The following CFAP92 variants were observed in gnomAD, a reference collection of about 807,000 sequenced individuals.
CFAP92 encodes the protein uncharacterized protein CFAP92.
CFAP92 carries 86 observed loss-of-function variants against 106.3 expected under a neutral mutation model. The observed-to-expected ratio is 0.81, with a 90% CI of 0.68 to 0.97. The LOEUF (loss-of-function observed/expected upper bound fraction) is 0.97, where lower values mean the gene tolerates loss of function less well. Ranked by LOEUF, CFAP92 falls within the 50% of genes least tolerant of loss-of-function variation. The probability of loss-of-function intolerance (pLI) is 0.00; values close to 1 mark genes in which losing one functional copy is unlikely to be tolerated. For missense variants in CFAP92, 1,204 were observed against 1,283.8 expected (o/e 0.94, Z 0.95); for synonymous variants, 477 against 506.4 (o/e 0.94, Z 0.78).
At position 128,959,285 on chromosome 3, in the gene CFAP92, C is replaced by T. The variant is rs1215188385; in HGVS notation, c.1353+6226G>A. On this transcript the variant is annotated intron_variant, in intron 9 of 15. Coordinates refer to ENST00000645291, the MANE Select transcript of CFAP92 (RefSeq NM_001394090.1). Reference sequence around the variant, plus strand: ...GCATTTGGAGAAACAAAAAACAGTTCGCATACAAAGGTTCAACTTCAATGA... The same window carrying T: ...GCATTTGGAGAAACAAAAAACAGTTTGCATACAAAGGTTCAACTTCAATGA... Among the ~76,000 whole-genome samples the T allele has an allele frequency of 3.3e-5, 5 of 151,962 alleles. No individual in the cohort carries two copies. The East Asian group carries it at 7.7e-4, about 23-fold the overall frequency.
At chr3:128,930,100 GAT>G (rs1938177841) in intron 12 of CFAP92, among the ~76,000 whole-genome samples, 1 of 152,152 alleles carries the variant, frequency 6.6e-6, no homozygotes, top group Admixed American at 6.5e-5. Flanking sequence ...ATTTGTAAGA[GAT>G]AGGGGGCTAG....
chr3:128,912,648 A>G, intron 15 of CFAP92: 2 of 1,512,276 alleles, frequency 1.3e-6, no homozygotes. Context: ...GCCCCTACCC[A>G]TGGCCCGTTG....
intron 1 of CFAP92, chr3:129,002,108 G>A: frequency 1.3e-6 from 2 of 1,490,276 alleles, no homozygotes; most frequent in Non-Finnish European, 1.8e-6. Context: ...CGGGGCCCCG[G>A]CTGCCCCGCG....
intron 12 of CFAP92, among the ~76,000 whole-genome samples, chr3:128,923,209 G>A (rs1413991331): frequency 2.0e-5 from 3 of 152,222 alleles, no homozygotes; most frequent in Non-Finnish European, 4.4e-5. Context: ...TGGAACAGGA[G>A]ACTGGAGGGA....
chr3:128,957,300 A>G (rs1053381573), intron 9 of CFAP92, among the ~76,000 whole-genome samples: 41 of 152,236 alleles, frequency 2.7e-4, no homozygotes, highest in African/African-American at 9.2e-4. Flanking sequence ...AGCAAAAAGT[A>G]TAACATCATC....
intron 12 of CFAP92, among the ~76,000 whole-genome samples, chr3:128,927,421 A>G (rs1321441326): frequency 6.6e-6 from 1 of 152,096 alleles, no homozygotes; most frequent in Non-Finnish European, 1.5e-5. Flanking sequence ...AGATCAATGG[A>G]CAAAAAATTA....
chr3:129,003,896 G>A, upstream of CFAP92: 3 of 1,373,240 alleles, frequency 2.2e-6, no homozygotes, highest in South Asian at 1.6e-5. Context: ...CCTGGCTGCG[G>A]CGGAGGCCCG....
chr3:128,945,986 G>T lies in CFAP92; in HGVS notation c.1354-11C>A. On this transcript the variant is annotated splice_polypyrimidine_tract_variant and intron_variant, in intron 9 of 15. Transcript: ENST00000645291. ...AGGCATGCACAGCCTCTACGAGAGA[G>T]CAGGGCCACAGCAGGTCACCCAGCC... 1 of 1,421,420 alleles carries T rather than the reference G, an allele frequency of 7.0e-7. No homozygotes were observed. The highest frequency in any genetic ancestry group is 9.1e-7 in the Non-Finnish European group (1 of 1,093,842). The allele number at this position is 1,421,420 out of a possible 1,614,324, so 88.1% of individuals were successfully genotyped here. A position where few individuals can be genotyped will look rare whatever the true frequency, so the allele number is the denominator to read the frequency against.
the CFAP92 span, among the ~76,000 whole-genome samples, chr3:129,015,342 C>T: frequency 6.6e-6 from 1 of 152,194 alleles, no homozygotes; most frequent in Non-Finnish European, 1.5e-5. Flanking sequence ...ACAGCCTCTT[C>T]CTAACGTCTT....
chr3:128,956,192 A>ATAAAT (rs1393479645), intron 9 of CFAP92, among the ~76,000 whole-genome samples: 1 of 98,146 alleles, frequency 1.0e-5, no homozygotes, highest in African/African-American at 8.8e-5. Context: ...ATTAAAAAAA[A>ATAAAT]AAATAAAAAA....
At chr3:128,923,886 G>C (rs1243878242) in intron 12 of CFAP92, among the ~76,000 whole-genome samples, 1 of 152,196 alleles carries the variant, frequency 6.6e-6, no homozygotes, top group Non-Finnish European at 1.5e-5. Flanking sequence ...ACTTAGCCCT[G>C]CTCCCTGGAA....
rs760380749 is a variant in CFAP92, at chr3:128,915,463, C to T, written c.3017G>A (p.Arg1006His). Residue 1006 changes from arginine to histidine, a missense_variant, in exon 14 of 16, where the codon CGC becomes CAC. Arg to His is a conservative substitution (Grantham distance 29, BLOSUM62 0). Transcript: ENST00000645291. ...TCCCCTGGCTGTGAGCCAGGCCTGG[C>T]GGGATTTCTTCTGGGCTTTCTTCTC... ...EEEKKAQKKS[R>H]QAWLTARGFQ... is the part of the protein sequence containing the mutation. The T allele has an allele frequency of 4.4e-5, 68 of 1,535,952 alleles. No homozygotes were observed. The highest frequency in any genetic ancestry group is 1.4e-4 in the Admixed American group (7 of 50,970).
intron 5 of CFAP92, 58 bp from the exon 6 acceptor site, chr3:128,977,124 T>C: frequency 7.3e-7 from 1 of 1,377,576 alleles, no homozygotes; most frequent in Non-Finnish European, 1.0e-6. Context: ...CACTAAGAAA[T>C]GAGGGCCCCT....
rs149938297 is a variant in CFAP92 at position 128,935,107 on chromosome 3, C to T, written c.2453+18G>A. 2.7e-6 allele frequency: 4 copies of T among 1,500,264 alleles called. No homozygotes were observed. The highest frequency in any genetic ancestry group is 2.5e-5 in the South Asian group (2 of 79,574). 92.9% of individuals were successfully genotyped at this position (1,500,264 alleles called of 1,614,324 possible). ...TCCCGCCGGGGCGCAGGACCACATGCGAGCTGCCACTGCCCACCTGGCTAG... is the reference window on the plus strand; with the variant it reads ...TCCCGCCGGGGCGCAGGACCACATGTGAGCTGCCACTGCCCACCTGGCTAG... On this transcript the variant is annotated intron_variant, in intron 11 of 15. Transcript: ENST00000645291.
the CFAP92 span, among the ~76,000 whole-genome samples, chr3:129,011,137 C>T: frequency 6.6e-6 from 1 of 152,202 alleles, no homozygotes; most frequent in Non-Finnish European, 1.5e-5. Context: ...TGAGCCTCAG[C>T]TCATCTGTAA....
chr3:128,972,387 G>A (rs533686045), intron 7 of CFAP92, among the ~76,000 whole-genome samples: 43 of 151,950 alleles, frequency 2.8e-4, no homozygotes, highest in African/African-American at 8.4e-4. Flanking sequence ...GACCACAGGC[G>A]CGTGCTACCA....
At chr3:128,965,739 C>G (rs548520930) in intron 8 of CFAP92, 44 bp from the exon 9 acceptor site, 3 of 398,188 alleles carry the variant, frequency 7.5e-6, no homozygotes, top group Non-Finnish European at 8.9e-6. Context: ...TCCCGACACC[C>G]CCAAGACACG....
chr3:128,975,101 C>T (rs1446389953), intron 7 of CFAP92, among the ~76,000 whole-genome samples: 1 of 151,950 alleles, frequency 6.6e-6, no homozygotes, highest in Non-Finnish European at 1.5e-5. Flanking sequence ...GCCTGGGTGA[C>T]AGAGTGAGAC....
chr3:129,019,851 C>A, the CFAP92 span, among the ~76,000 whole-genome samples: 1 of 149,026 alleles, frequency 6.7e-6, no homozygotes, highest in Non-Finnish European at 1.5e-5. Flanking sequence ...TCACTGCAAC[C>A]TCCACCTCCC....
Sources: allele counts gnomAD v4.1 joint callset (sites outside exome capture counted in the v4.1 genomes callset), GRCh38; gene constraint gnomAD v4.1.1; transcripts MANE v1.5; gene names NCBI Gene and HGNC (gene_info 2026-07-23, HGNC 2026-07-21).